Variants in ZCCHC7 observed in about 807,000 individuals in gnomAD.
ZCCHC7 encodes the protein zinc finger CCHC domain-containing protein 7.
Under a neutral mutation model 52.0 loss-of-function variants are expected in ZCCHC7, and 35 were observed. The observed-to-expected ratio is 0.67, with a 90% CI of 0.51 to 0.89. The LOEUF is 0.89. Ranked by LOEUF, ZCCHC7 falls within the 40% of genes least tolerant of loss-of-function variation. ZCCHC7 has a pLI of 0.00. For synonymous variants in ZCCHC7, 217 were observed against 221.5 expected, an observed-to-expected ratio of 0.98 and a Z score of 0.18; for missense variants, 574 against 649.1, an observed-to-expected ratio of 0.88 and a Z score of 1.26.
chr9:37,131,323 G>C (rs1164104692), intron 2 of ZCCHC7, among the ~76,000 whole-genome samples: 1 of 146,090 alleles, frequency 6.8e-6, no homozygotes, highest in African/African-American at 2.6e-5. Context: ...CTGGGTGATA[G>C]AGCGAGACTC....
At chr9:37,224,101 G>C (rs1037544923) in intron 2 of ZCCHC7, among the ~76,000 whole-genome samples, 1 of 151,896 alleles carries the variant, frequency 6.6e-6, no homozygotes, top group African/African-American at 2.4e-5. Flanking sequence ...TATTAATAAA[G>C]GGGTCACAAA....
rs568686047 is a variant in ZCCHC7 at position 37,133,571 on chromosome 9, A to T, written c.610+6629A>T. Among the ~76,000 whole-genome samples, 268 of 151,378 alleles carry T rather than the reference A, an allele frequency of 1.8e-3. 1 individual carries two copies. Among genetic ancestry groups the T allele is most frequent in the African/African-American group, 5.7e-3 (238 of 41,400 alleles). ...TTGTATTTTTATTTTTTATTTTTTT[A>T]AAATTTAAAAATTTTAAAATTTTTA... On this transcript the variant is annotated intron_variant, in intron 2 of 8. Coordinates refer to ENST00000336755, the MANE Select transcript of ZCCHC7 (RefSeq NM_032226.3).
At chr9:37,314,013 A>G (rs1829706131) in intron 5 of ZCCHC7, among the ~76,000 whole-genome samples, 1 of 152,224 alleles carries the variant, frequency 6.6e-6, no homozygotes, top group Admixed American at 6.5e-5. Context: ...AGTCATTTCT[A>G]AGTAACCTGA....
intron 5 of ZCCHC7, among the ~76,000 whole-genome samples, chr9:37,311,788 T>A (rs189791647): frequency 6.6e-6 from 1 of 152,214 alleles, no homozygotes; most frequent in Non-Finnish European, 1.5e-5. Flanking sequence ...CAAAAGTTTA[T>A]TTTAAGGAGA....
intron 2 of ZCCHC7, among the ~76,000 whole-genome samples, chr9:37,143,174 G>C (rs932242382): frequency 2.6e-5 from 4 of 151,662 alleles, no homozygotes; most frequent in Non-Finnish European, 5.9e-5. Context: ...CGTTTTGTAG[G>C]ATTTCTTTTT....
chr9:37,340,147 G>A (rs1820536459), intron 6 of ZCCHC7, among the ~76,000 whole-genome samples: 1 of 152,114 alleles, frequency 6.6e-6, no homozygotes, highest in Admixed American at 6.6e-5. Flanking sequence ...AATGACATTA[G>A]AAGAAAATCA....
At chr9:37,251,620 A>T (rs1010308876) in intron 2 of ZCCHC7, among the ~76,000 whole-genome samples, 3 of 152,160 alleles carry the variant, frequency 2.0e-5, no homozygotes, top group African/African-American at 7.2e-5. Flanking sequence ...GACAAAAAGG[A>T]TTGAAAGTTG....
intron 1 of ZCCHC7, among the ~76,000 whole-genome samples, chr9:37,125,744 G>A (rs996923971): frequency 5.3e-5 from 8 of 152,120 alleles, no homozygotes; most frequent in African/African-American, 4.8e-5. Context: ...TTTGTTTTTC[G>A]TTTACAATAT....
intron 2 of ZCCHC7, among the ~76,000 whole-genome samples, chr9:37,197,754 TA>T (rs894679723): frequency 2.0e-4 from 29 of 148,046 alleles, no homozygotes; most frequent in Admixed American, 3.4e-4. Flanking sequence ...GATGTTTTGT[TA>T]AAAAAAAAAA....
Position 37,354,891 on chromosome 9 carries a change from C to A in ZCCHC7, c.1198+67C>A. The stretch of plus-strand genomic sequence containing the variant: ...TTCTAAATTTCTTTGTTTGTACTGT[C>A]TTTGCCTGCTTTGGGGGTCATTGGT... On this transcript the variant is annotated intron_variant, in intron 8 of 8. Coordinates refer to ENST00000336755, the MANE Select transcript of ZCCHC7 (RefSeq NM_032226.3). The surrounding 1 kb of genome is among the most constrained non-coding windows in gnomAD (Gnocchi z 4.0). The A allele has an allele frequency of 9.9e-7, 1 of 1,008,226 alleles. No homozygotes were observed. The highest frequency in any genetic ancestry group is 1.5e-6 in the Non-Finnish European group (1 of 671,302). 62.5% of individuals were successfully genotyped at this position (1,008,226 alleles called of 1,614,324 possible).
At chr9:37,312,570 G>A (rs527986623) in intron 5 of ZCCHC7, among the ~76,000 whole-genome samples, 1 of 152,342 alleles carries the variant, frequency 6.6e-6, no homozygotes, top group Non-Finnish European at 1.5e-5. Flanking sequence ...AGGGAGCCAA[G>A]TAACTGTGTC....
chr9:37,318,942 CAA>C (rs34576609), intron 5 of ZCCHC7, among the ~76,000 whole-genome samples: 291 of 106,974 alleles, frequency 2.7e-3, no homozygotes, highest in African/African-American at 5.3e-3. Flanking sequence ...GACTCTGTCT[CAA>C]AAAAAAAAAA....
chr9:37,262,616 A>G (rs146110669), intron 2 of ZCCHC7, among the ~76,000 whole-genome samples: 10 of 152,280 alleles, frequency 6.6e-5, no homozygotes, highest in East Asian at 1.9e-4. Context: ...CTGGTCATCT[A>G]TGCCTTCCAG....
At chr9:37,336,978 A>G (rs1170585202) in intron 6 of ZCCHC7, among the ~76,000 whole-genome samples, 2 of 152,260 alleles carry the variant, frequency 1.3e-5, no homozygotes, top group East Asian at 3.9e-4. Flanking sequence ...CATGCTATGA[A>G]TGGCAGCTCC....
At chr9:37,301,099 A>C (rs1829012016) in intron 2 of ZCCHC7, among the ~76,000 whole-genome samples, 1 of 152,198 alleles carries the variant, frequency 6.6e-6, no homozygotes, top group Non-Finnish European at 1.5e-5. Context: ...TGTTATAATG[A>C]AAGTCATGTA....
chr9:37,266,826 A>G (rs1213661880), intron 2 of ZCCHC7, among the ~76,000 whole-genome samples: 1 of 152,170 alleles, frequency 6.6e-6, no homozygotes, highest in African/African-American at 2.4e-5. Context: ...GTGAGCAATG[A>G]TTGCATCACT....
intron 5 of ZCCHC7, among the ~76,000 whole-genome samples, chr9:37,324,895 T>G (rs561209796): frequency 6.6e-6 from 1 of 152,342 alleles, no homozygotes; most frequent in East Asian, 1.9e-4. Flanking sequence ...ACTTGAGTCT[T>G]GGTCTGCTGT....
intron 2 of ZCCHC7, among the ~76,000 whole-genome samples, chr9:37,233,323 C>T (rs1311011782): frequency 1.3e-5 from 2 of 152,072 alleles, no homozygotes; most frequent in Non-Finnish European, 2.9e-5. Flanking sequence ...CTGTCATTTT[C>T]CTCAGCAAAT....
chr9:37,120,481 G>A (rs2132649349), upstream of ZCCHC7: 1 of 398,814 alleles, frequency 2.5e-6, no homozygotes, highest in Non-Finnish European at 4.4e-6. Flanking sequence ...GAAAGGCGGT[G>A]ACTAGAGCTG....
Sources: allele counts gnomAD v4.1 joint callset (sites outside exome capture counted in the v4.1 genomes callset), GRCh38; gene constraint gnomAD v4.1.1; non-coding constraint Gnocchi (gnomAD v3.1); transcripts MANE v1.5; gene names NCBI Gene and HGNC (gene_info 2026-07-23, HGNC 2026-07-21).